Variants in MSH3 observed in about 807,000 individuals in gnomAD.
The protein encoded by MSH3 is DNA mismatch repair protein Msh3.
In MSH3, 106 loss-of-function variants were observed where a neutral mutation model predicts 123.3. The observed-to-expected ratio is 0.86, with a 90% confidence interval of 0.73 to 1.01. The LOEUF is 1.01. Among genes scored for constraint, MSH3 ranks in the 50% least tolerant of loss-of-function variants. The probability of loss-of-function intolerance (pLI) is 0.00; values close to 1 mark genes in which losing one functional copy is unlikely to be tolerated. For synonymous variants in MSH3, 515 were observed against 481.4 expected, an observed-to-expected ratio of 1.07 and a Z score of -0.91; for missense variants, 1,459 against 1,347.6, an observed-to-expected ratio of 1.08 and a Z score of -1.29.
At position 80,728,886 on chromosome 5, in the gene MSH3, A is replaced by G. The variant is rs777360391; in HGVS notation, c.1489A>G (p.Lys497Glu). 2 of 1,610,722 alleles carry G rather than the reference A, an allele frequency of 1.2e-6. No homozygotes were observed. Among genetic ancestry groups the G allele is most frequent in the Non-Finnish European group, 1.7e-6 (2 of 1,177,170 alleles). ...QIISGIVNLE[K>E]PVICSLAAII... ...TATTTCTGGCATTGTTAACTTAGAGAAGCCTGTGATTTGCTCTTTGGCTGC... is the reference window on the plus strand; with the variant it reads ...TATTTCTGGCATTGTTAACTTAGAGGAGCCTGTGATTTGCTCTTTGGCTGC... Residue 497 changes from lysine (K) to glutamate (E), a missense_variant, in exon 10 of 24, where the codon AAG (lysine) becomes GAG (glutamate). By Grantham distance (56) the Lys-to-Glu change is moderately conservative. Transcript: ENST00000265081.
chr5:80,778,646 A>C (rs1744348467), intron 16 of MSH3, 74 bp from the exon 17 acceptor site: 1 of 846,426 alleles, frequency 1.2e-6, no homozygotes, highest in Non-Finnish European at 2.1e-6. Context: ...TAAATAACTA[A>C]TTTTCTAAAG....
intron 15 of MSH3, among the ~76,000 whole-genome samples, chr5:80,772,770 C>G (rs1744233889): frequency 1.3e-5 from 2 of 152,060 alleles, no homozygotes; most frequent in Admixed American, 1.3e-4. Flanking sequence ...AATGTTGTAT[C>G]TTATTGTCAG....
chr5:80,683,342 C>A (rs1314631876), intron 8 of MSH3, among the ~76,000 whole-genome samples: 1 of 152,066 alleles, frequency 6.6e-6, no homozygotes, highest in Admixed American at 6.6e-5. Flanking sequence ...TGTGAGGGTT[C>A]CCTTTTCTCC....
At chr5:80,655,043 A>T in intron 1 of MSH3, 79 bp downstream of exon 1, 1 of 825,812 alleles carries the variant, frequency 1.2e-6, no homozygotes, top group Non-Finnish European at 1.7e-6. Context: ...GGAGGCGGGG[A>T]CCCTCCGCCC....
At chr5:80,842,278 A>G (rs1026934738) in intron 20 of MSH3, among the ~76,000 whole-genome samples, 2 of 152,164 alleles carry the variant, frequency 1.3e-5, no homozygotes, top group African/African-American at 4.8e-5. Flanking sequence ...CTGTTTTGGT[A>G]CCAGTACCAT....
At chr5:80,722,469 G>A (rs983383783) in intron 8 of MSH3, among the ~76,000 whole-genome samples, 4 of 152,146 alleles carry the variant, frequency 2.6e-5, no homozygotes, top group African/African-American at 7.2e-5. Flanking sequence ...TTTGCTTTGG[G>A]AATACTCTTT....
rs138412403 is a variant in MSH3, at chr5:80,724,010, C to T, written c.1341-1443C>T. 7.5e-3 allele frequency among the ~76,000 whole-genome samples: 1,146 copies of T among 152,256 alleles called. 9 individuals are homozygous for T. The highest frequency in any genetic ancestry group is 0.026 in the African/African-American group (1,089 of 41,554). On this transcript the variant is annotated intron_variant, in intron 8 of 23. Coordinates refer to ENST00000265081, the MANE Select transcript of MSH3 (RefSeq NM_002439.5). ...AGCTCAGGCAGTCCTCCTGCCTCGG[C>T]CTCCCAAAGTGCTGGGATTACAGGC...
chr5:80,808,338 T>C (rs1418012395), intron 19 of MSH3, among the ~76,000 whole-genome samples: 1 of 152,212 alleles, frequency 6.6e-6, no homozygotes, highest in Non-Finnish European at 1.5e-5. Flanking sequence ...TTGTTATGTT[T>C]TTCTATCTGG....
intron 8 of MSH3, among the ~76,000 whole-genome samples, chr5:80,712,078 G>A (rs959843076): frequency 6.6e-6 from 1 of 152,176 alleles, no homozygotes; most frequent in South Asian, 2.1e-4. Context: ...GGCATGGCTG[G>A]TTGTAGGGGC....
At chr5:80,822,107 A>G (rs917498485) in intron 20 of MSH3, among the ~76,000 whole-genome samples, 1 of 152,186 alleles carries the variant, frequency 6.6e-6, no homozygotes, top group Admixed American at 6.5e-5. Context: ...TGTGTATGGG[A>G]AAGAATAGGG....
At chr5:80,734,699 A>C (rs566695501) in intron 10 of MSH3, among the ~76,000 whole-genome samples, 2 of 152,170 alleles carry the variant, frequency 1.3e-5, no homozygotes, top group Non-Finnish European at 2.9e-5. Context: ...ATGGTCCCAC[A>C]GAGGTCCCTA....
At chr5:80,798,123 A>G (rs1469630895) in intron 19 of MSH3, among the ~76,000 whole-genome samples, 1 of 152,136 alleles carries the variant, frequency 6.6e-6, no homozygotes, top group Admixed American at 6.5e-5. Flanking sequence ...AAAATGAGTC[A>G]AACGTGCACA....
At chr5:80,679,239 T>G in intron 8 of MSH3, 146 bp downstream of exon 8, 1 of 869,158 alleles carries the variant, frequency 1.2e-6, no homozygotes, top group Non-Finnish European at 1.8e-6. Flanking sequence ...AAAAAAAAAG[T>G]AAAACAACAA....
intron 2 of MSH3, among the ~76,000 whole-genome samples, chr5:80,663,618 G>A (rs1432548991): frequency 6.6e-6 from 1 of 151,656 alleles, no homozygotes; most frequent in Non-Finnish European, 1.5e-5. Flanking sequence ...TATTTTTGAA[G>A]AGCGATACAA....
intron 15 of MSH3, among the ~76,000 whole-genome samples, chr5:80,769,716 A>G (rs532774543): frequency 6.6e-6 from 1 of 152,126 alleles, no homozygotes; most frequent in Non-Finnish European, 1.5e-5. Flanking sequence ...TAAAATACCA[A>G]ATTAGGAAAC....
chr5:80,698,999 G>A (rs566405463), intron 8 of MSH3, among the ~76,000 whole-genome samples: 7 of 152,180 alleles, frequency 4.6e-5, no homozygotes, highest in African/African-American at 7.2e-5. Context: ...AGAGTGAAAC[G>A]GTGGAGTGAG....
intron 15 of MSH3, among the ~76,000 whole-genome samples, chr5:80,769,827 C>T (rs1045507217): frequency 4.6e-5 from 7 of 152,136 alleles, no homozygotes; most frequent in Non-Finnish European, 8.8e-5. Flanking sequence ...AATTTTTAAA[C>T]ATTTACATTG....
At chr5:80,812,455 T>G (rs868832286) in intron 19 of MSH3, among the ~76,000 whole-genome samples, 7 of 152,212 alleles carry the variant, frequency 4.6e-5, no homozygotes, top group Admixed American at 1.3e-4. Context: ...GTTCTGTGAT[T>G]CTTTTTAGCC....
rs6151919 is a variant in MSH3 at position 80,865,156 on chromosome 5, C to G, written c.3130+214C>G. Among the ~76,000 whole-genome samples the G allele has an allele frequency of 0.16, 23,988 of 152,096 alleles. 1,986 individuals carry two copies. Among genetic ancestry groups the G allele is most frequent in the East Asian group, 0.24 (1,265 of 5,170 alleles). ...TGAGTCCTTCTCTGGTCTTCCTTGT[C>G]TCATTTGTCGTGGCAACCCTTTTCT... On this transcript the variant is annotated intron_variant, in intron 22 of 23. Coordinates refer to ENST00000265081, the MANE Select transcript of MSH3 (RefSeq NM_002439.5).
Sources: gnomAD v4.1 joint callset for allele counts (sites outside exome capture counted in the v4.1 genomes callset) on GRCh38, gnomAD v4.1.1 for gene constraint, MANE v1.5 for transcripts, NCBI Gene and HGNC (gene_info 2026-07-23, HGNC 2026-07-21) for gene names.